Variants in SORCS3 observed in about 807,000 individuals in gnomAD.
The protein encoded by SORCS3 is sortilin related VPS10 domain containing receptor 3, also known as VPS10 domain-containing receptor SorCS3.
Under a neutral mutation model 146.3 loss-of-function variants are expected in SORCS3, and 57 were observed. The observed-to-expected ratio is 0.39, with a 90% confidence interval of 0.31 to 0.49. The LOEUF is 0.49. Among genes scored for constraint, SORCS3 ranks in the 20% least tolerant of loss-of-function variants. SORCS3 has a pLI of 0.92. For missense variants in SORCS3, 1,341 were observed against 1,575.5 expected (o/e 0.85, Z 2.52); for synonymous variants, 653 against 618.5 (o/e 1.06, Z -0.83).
chr10:105,168,050 A>G (rs1300771799), intron 13 of SORCS3, among the ~76,000 whole-genome samples: 2 of 152,198 alleles, frequency 1.3e-5, no homozygotes, highest in African/African-American at 4.8e-5. Context: ...CAAATTCTAC[A>G]ATCAGATCAA....
chr10:104,786,643 C>T (rs896939375), intron 1 of SORCS3, among the ~76,000 whole-genome samples: 1 of 151,408 alleles, frequency 6.6e-6, no homozygotes, highest in Non-Finnish European at 1.5e-5. Flanking sequence ...ATCCTGAAGG[C>T]AGAAGCTGAG....
chr10:104,675,433 T>A (rs1019296598), intron 1 of SORCS3, among the ~76,000 whole-genome samples: 2 of 152,236 alleles, frequency 1.3e-5, no homozygotes, highest in Non-Finnish European at 2.9e-5. Context: ...TTTTTTCTTT[T>A]AAGGTTATAA....
chr10:105,225,236 T>C (rs1458571728), intron 20 of SORCS3, among the ~76,000 whole-genome samples: 2 of 152,234 alleles, frequency 1.3e-5, no homozygotes, highest in Middle Eastern at 3.4e-3. Flanking sequence ...AGATCTATGA[T>C]CCATTTTGAG....
intron 1 of SORCS3, among the ~76,000 whole-genome samples, chr10:104,695,824 G>A (rs2016168349): frequency 6.6e-6 from 1 of 150,694 alleles, no homozygotes; most frequent in Non-Finnish European, 1.5e-5. Flanking sequence ...CCATTAAATA[G>A]CTGCACTAAA....
rs185963108 is a variant in SORCS3, at chr10:105,168,601, G to T, written c.1901+1252G>T. Among the ~76,000 whole-genome samples the T allele has an allele frequency of 1.0e-3, 152 of 152,222 alleles. 1 individual carries two copies. In the South Asian group the frequency reaches 0.01, roughly 10 times the overall value. On this transcript the variant is annotated intron_variant, in intron 13 of 26. Transcript: ENST00000369701. Reference sequence around the variant, plus strand: ...AGATATTGGGAGATAAACAAGTTTAGAGTAAGAATTTTACTGGAAAGCATC... The same window carrying T: ...AGATATTGGGAGATAAACAAGTTTATAGTAAGAATTTTACTGGAAAGCATC...
chr10:105,117,074 C>G (rs967538508), intron 7 of SORCS3, among the ~76,000 whole-genome samples: 3 of 151,932 alleles, frequency 2.0e-5, no homozygotes, highest in South Asian at 4.2e-4. Context: ...TGGATCAGTA[C>G]TCTTCTCTTA....
chr10:104,875,888 G>A (rs554016419), intron 2 of SORCS3, among the ~76,000 whole-genome samples: 6 of 152,274 alleles, frequency 3.9e-5, no homozygotes, highest in East Asian at 1.9e-4. Context: ...TAACATGAAG[G>A]TGAAGCCTTA....
chr10:105,194,432 T>C (rs934927167), intron 14 of SORCS3, among the ~76,000 whole-genome samples: 7 of 152,242 alleles, frequency 4.6e-5, no homozygotes, highest in African/African-American at 1.7e-4. Flanking sequence ...ATTATGTTGG[T>C]GAAAATATGA....
chr10:105,175,214 A>ATTTTTTTTTT (rs71482448), intron 13 of SORCS3, among the ~76,000 whole-genome samples: 1 of 134,644 alleles, frequency 7.4e-6, no homozygotes, highest in Non-Finnish European at 1.6e-5. Flanking sequence ...TGCTTGGCTA[A>ATTTTTTTTTT]TTTTTTTTTT....
At chr10:104,807,767 G>A (rs2017695460) in intron 1 of SORCS3, among the ~76,000 whole-genome samples, 1 of 152,168 alleles carries the variant, frequency 6.6e-6, no homozygotes, top group Non-Finnish European at 1.5e-5. Flanking sequence ...CTCCCAGCTT[G>A]TAACAGATGG....
At chr10:104,674,036 G>A (rs186394033) in intron 1 of SORCS3, among the ~76,000 whole-genome samples, 385 of 152,290 alleles carry the variant, frequency 2.5e-3, no homozygotes, top group Non-Finnish European at 4.5e-3. Flanking sequence ...TTCAACACCT[G>A]ATTACGCTGA....
At chr10:104,728,714 G>A (rs750973237) in intron 1 of SORCS3, among the ~76,000 whole-genome samples, 5 of 152,142 alleles carry the variant, frequency 3.3e-5, no homozygotes, top group Non-Finnish European at 5.9e-5. Flanking sequence ...GACCCAAAGA[G>A]CATCTGTATA....
chr10:105,262,179 AG>A (rs2056964646), intron 25 of SORCS3, 151 bp from the exon 26 acceptor site: 1 of 646,140 alleles, frequency 1.5e-6, no homozygotes, highest in African/African-American at 1.8e-5. Flanking sequence ...TTGACCTTGT[AG>A]CCTCATTGTC....
chr10:104,659,437 G>T (rs1399074822), intron 1 of SORCS3, among the ~76,000 whole-genome samples: 1 of 152,162 alleles, frequency 6.6e-6, no homozygotes, highest in Non-Finnish European at 1.5e-5. Context: ...ACACTCTGAT[G>T]CCCATTCGTA....
chr10:104,992,644 A>C (rs1486957142), intron 4 of SORCS3, among the ~76,000 whole-genome samples: 2 of 152,180 alleles, frequency 1.3e-5, no homozygotes, highest in Non-Finnish European at 2.9e-5. Context: ...TAAGCACTCC[A>C]TTCACTCATG....
chr10:104,824,157 AT>A (rs1398847250), intron 1 of SORCS3, among the ~76,000 whole-genome samples: 1 of 152,210 alleles, frequency 6.6e-6, no homozygotes, highest in African/African-American at 2.4e-5. Context: ...CTGTGAAATG[AT>A]ACATTTGTGT....
chr10:104,800,573 T>C (rs952526344), intron 1 of SORCS3, among the ~76,000 whole-genome samples: 3 of 152,076 alleles, frequency 2.0e-5, no homozygotes, highest in African/African-American at 7.2e-5. Context: ...GGTGTGTGTG[T>C]GTTGGGGAGG....
chr10:104,792,578 A>G (rs1245943446), intron 1 of SORCS3, among the ~76,000 whole-genome samples: 2 of 152,186 alleles, frequency 1.3e-5, no homozygotes, highest in African/African-American at 4.8e-5. Flanking sequence ...TGCAATGAAC[A>G]TTTATCCTTA....
intron 2 of SORCS3, among the ~76,000 whole-genome samples, chr10:104,888,201 C>T (rs544513339): frequency 6.6e-6 from 1 of 152,196 alleles, no homozygotes; most frequent in Non-Finnish European, 1.5e-5. Context: ...CAGTTAACCT[C>T]TTTTAAACGA....
Sources: allele counts gnomAD v4.1 joint callset (sites outside exome capture counted in the v4.1 genomes callset), GRCh38; gene constraint gnomAD v4.1.1; transcripts MANE v1.5; gene names NCBI Gene and HGNC (gene_info 2026-07-23, HGNC 2026-07-21).